The following ZFR variants were observed in gnomAD, a reference collection of about 807,000 sequenced individuals.
The protein encoded by ZFR is zinc finger RNA-binding protein.
In ZFR, 19 loss-of-function variants were observed where a neutral mutation model predicts 130.7. The observed-to-expected ratio is 0.15, with a 90% CI of 0.10 to 0.21. The LOEUF is 0.21. Among genes scored for constraint, ZFR ranks in the 10% least tolerant of loss-of-function variants. The pLI, the probability that ZFR is intolerant of heterozygous loss-of-function variation, is 1.00. For missense variants in ZFR, 872 were observed against 1,321.5 expected (o/e 0.66, Z 5.27); for synonymous variants, 466 against 456.9 (o/e 1.02, Z -0.25).
rs778031377 is a variant in ZFR, at chr5:32,400,160, T to G, written c.1560A>C (p.Ile520=). The change falls in exon 9 of 20, where the codon ATA becomes ATC. Residue 520 remains isoleucine, a synonymous_variant. Coordinates refer to ENST00000265069, the MANE Select transcript of ZFR (RefSeq NM_016107.5). ...LQSTGNKAED[I]KGTECVKSTP... ...TACTTTTAACACATTCGGTTCCTTT[T>G]ATGTCTTCTGCTTTATTTCCTGTTG... is the stretch of plus-strand genomic sequence containing the variant. 1.2e-6 allele frequency: 2 copies of G among 1,611,924 alleles called. No homozygotes were observed. The highest frequency in any genetic ancestry group is 2.2e-5 in the South Asian group (2 of 90,750).
chr5:32,425,055 TGA>T (rs2111835977), intron 2 of ZFR, among the ~76,000 whole-genome samples: 1 of 152,154 alleles, frequency 6.6e-6, no homozygotes, highest in African/African-American at 2.4e-5. Context: ...AGAGGAGAAA[TGA>T]GAAGAGAGCA....
intron 4 of ZFR, among the ~76,000 whole-genome samples, chr5:32,415,515 T>TGTGTGTGTGCGCGCGC (rs1326041688): frequency 4.1e-5 from 4 of 97,934 alleles, no homozygotes; most frequent in East Asian, 6.6e-4. Flanking sequence ...TGTGTGTGTG[T>TGTGTGTGTGCGCGCGC]GCGCGCGCGC....
At chr5:32,434,763 T>G (rs975501574) in intron 2 of ZFR, among the ~76,000 whole-genome samples, 3 of 152,194 alleles carry the variant, frequency 2.0e-5, no homozygotes, top group Non-Finnish European at 4.4e-5. Flanking sequence ...AGGGAAATGT[T>G]TTCTTTGCTC....
At chr5:32,383,532 T>A (rs1030892735) in intron 15 of ZFR, among the ~76,000 whole-genome samples, 2 of 152,234 alleles carry the variant, frequency 1.3e-5, no homozygotes, top group African/African-American at 4.8e-5. Context: ...TAACAGTTAT[T>A]TGGACAATGT....
intron 19 of ZFR, among the ~76,000 whole-genome samples, chr5:32,358,045 G>A (rs548402964): frequency 9.9e-5 from 15 of 152,242 alleles, no homozygotes; most frequent in African/African-American, 2.2e-4. Context: ...CAATTCTCTT[G>A]TATTTCCAAT....
intron 2 of ZFR, among the ~76,000 whole-genome samples, chr5:32,437,484 A>G (rs988795698): frequency 1.3e-5 from 2 of 152,190 alleles, no homozygotes; most frequent in African/African-American, 4.8e-5. Flanking sequence ...CATGGCTTTC[A>G]TGAAATACTA....
At chr5:32,394,717 T>C (rs139768019) in intron 11 of ZFR, among the ~76,000 whole-genome samples, 1 of 152,324 alleles carries the variant, frequency 6.6e-6, no homozygotes, top group Admixed American at 6.5e-5. Flanking sequence ...AACTTAACAT[T>C]TGTATCTTTA....
At chr5:32,425,425 T>TTC (rs1754050509) in intron 2 of ZFR, among the ~76,000 whole-genome samples, 1 of 1,126 alleles carries the variant, frequency 8.9e-4, no homozygotes, top group South Asian at 0.014. Context: ...ATATTCTTAA[T>TTC]TTAAGACATT....
At chr5:32,358,213 C>T (rs1486575699) in intron 19 of ZFR, among the ~76,000 whole-genome samples, 10 of 152,022 alleles carry the variant, frequency 6.6e-5, no homozygotes, top group Admixed American at 3.3e-4. Context: ...AAAAATTAGC[C>T]GGGTGTGGTG....
At chr5:32,420,220 C>T (rs1488073135) in intron 2 of ZFR, 117 bp from the exon 3 acceptor site, 18 of 1,213,598 alleles carry the variant, frequency 1.5e-5, no homozygotes, top group East Asian at 1.3e-4. Context: ...AATTTAATGA[C>T]GGACCACAAA....
At chr5:32,408,692 C>A (rs1460172660) in intron 5 of ZFR, among the ~76,000 whole-genome samples, 1 of 152,146 alleles carries the variant, frequency 6.6e-6, no homozygotes, top group Non-Finnish European at 1.5e-5. Context: ...TGTAGGACTG[C>A]CCAGTAGAGT....
chr5:32,400,235 T>G, intron 8 of ZFR, 32 bp from the exon 9 acceptor site: 2 of 1,487,624 alleles, frequency 1.3e-6, no homozygotes, highest in Non-Finnish European at 1.8e-6. Context: ...AAAAAAAATT[T>G]TATTTTTGTA....
intron 17 of ZFR, among the ~76,000 whole-genome samples, chr5:32,368,756 C>T (rs986394600): frequency 3.3e-5 from 5 of 152,180 alleles, no homozygotes; most frequent in Admixed American, 2.6e-4. Context: ...CTTATCCTCG[C>T]TAAGTGATGC....
rs1581724261 is a variant in ZFR, at chr5:32,444,730, G to A, written c.-72C>T. On this transcript the variant is annotated 5_prime_UTR_variant, in exon 1 of 20. Coordinates refer to ENST00000265069, the MANE Select transcript of ZFR (RefSeq NM_016107.5). ...CCCTCCTCTGCCCCGCTCCTCCTCA[G>A]CGGAGAACAGACCGCCGCCTCCGAC... The A allele has an allele frequency of 4.0e-6, 6 of 1,486,032 alleles. No homozygotes were observed. The East Asian group carries it at 1.5e-4, about 37-fold the overall frequency. 92.1% of individuals were successfully genotyped at this position (1,486,032 alleles called of 1,614,324 possible).
chr5:32,376,325 T>C (rs1752807221), intron 17 of ZFR, among the ~76,000 whole-genome samples: 2 of 151,550 alleles, frequency 1.3e-5, no homozygotes, highest in Non-Finnish European at 2.9e-5. Flanking sequence ...CTATAGAAAA[T>C]AAAATTCGAT....
intron 17 of ZFR, among the ~76,000 whole-genome samples, chr5:32,371,486 C>T (rs1752667661): frequency 6.6e-6 from 1 of 152,080 alleles, no homozygotes; most frequent in African/African-American, 2.4e-5. Flanking sequence ...GAGTGTTTAC[C>T]CTGCTTAAGC....
At chr5:32,434,610 T>C (rs1754294857) in intron 2 of ZFR, among the ~76,000 whole-genome samples, 1 of 152,200 alleles carries the variant, frequency 6.6e-6, no homozygotes, top group African/African-American at 2.4e-5. Flanking sequence ...ATTCTTCCAT[T>C]TTCCAATTAT....
At chr5:32,440,664 C>A (rs11415027) in intron 2 of ZFR, among the ~76,000 whole-genome samples, 9 of 148,550 alleles carry the variant, frequency 6.1e-5, no homozygotes, top group East Asian at 2.0e-4. Context: ...AAAAAAAAAA[C>A]AAAAAATACA....
chr5:32,379,637 C>T (rs186382836), intron 16 of ZFR: 1 of 214,330 alleles, frequency 4.7e-6, no homozygotes, highest in East Asian at 1.3e-4. Context: ...CAAACAGCTG[C>T]TTCCTCACCT....
Sources: allele counts gnomAD v4.1 joint callset (sites outside exome capture counted in the v4.1 genomes callset), GRCh38; gene constraint gnomAD v4.1.1; transcripts MANE v1.5; gene names NCBI Gene and HGNC (gene_info 2026-07-23, HGNC 2026-07-21).